GABRB1: variants seen among roughly 807,000 people sequenced by gnomAD.
GABRB1 encodes the protein gamma-aminobutyric acid receptor subunit beta-1.
A neutral mutation model predicts 51.6 loss-of-function variants in GABRB1; 17 were observed. That is an observed-to-expected ratio of 0.33 (90% CI 0.23 to 0.49). The LOEUF (loss-of-function observed/expected upper bound fraction) is 0.49, where lower values mean the gene tolerates loss of function less well. Ranked by LOEUF, GABRB1 falls within the 20% of genes least tolerant of loss-of-function variation. GABRB1 has a pLI of 0.99. For missense variants in GABRB1, 410 were observed against 600.6 expected (o/e 0.68, Z 3.32); for synonymous variants, 247 against 218.9 (o/e 1.13, Z -1.14).
At chr4:47,212,898 G>C (rs1720420253) in intron 4 of GABRB1, among the ~76,000 whole-genome samples, 2 of 152,140 alleles carry the variant, frequency 1.3e-5, no homozygotes, top group Admixed American at 6.5e-5. Flanking sequence ...GTAAGCATAG[G>C]TGGAAGTAGC....
At chr4:47,287,847 G>A (rs559698529) in intron 4 of GABRB1, among the ~76,000 whole-genome samples, 1 of 152,248 alleles carries the variant, frequency 6.6e-6, no homozygotes, top group East Asian at 1.9e-4. Flanking sequence ...GTCTCCAACT[G>A]CCAGCAAGAT....
intron 4 of GABRB1, among the ~76,000 whole-genome samples, chr4:47,212,002 A>G (rs1021110810): frequency 4.6e-5 from 7 of 152,180 alleles, no homozygotes; most frequent in African/African-American, 1.7e-4. Flanking sequence ...CATATAAGGT[A>G]ACATTCACAG....
At chr4:47,383,399 A>G (rs1329049920) in intron 5 of GABRB1, among the ~76,000 whole-genome samples, 3 of 152,174 alleles carry the variant, frequency 2.0e-5, no homozygotes, top group Non-Finnish European at 4.4e-5. Context: ...AAGGCATCCA[A>G]TTTAAAAATT....
chr4:47,002,561 T>C (rs140166586), intron 1 of GABRB1, among the ~76,000 whole-genome samples: 1 of 152,112 alleles, frequency 6.6e-6, no homozygotes, highest in Non-Finnish European at 1.5e-5. Flanking sequence ...TAAAGCACAA[T>C]AGCAGAAATG....
At chr4:47,371,942 A>G (rs777785992) in intron 5 of GABRB1, among the ~76,000 whole-genome samples, 8 of 152,126 alleles carry the variant, frequency 5.3e-5, no homozygotes, top group Non-Finnish European at 1.2e-4. Context: ...CCTTAGTTTA[A>G]TTAGATCCAT....
intron 4 of GABRB1, among the ~76,000 whole-genome samples, chr4:47,307,236 T>C (rs1488756261): frequency 1.3e-5 from 2 of 152,136 alleles, no homozygotes; most frequent in Non-Finnish European, 2.9e-5. Context: ...GTTTTGTTGA[T>C]ATATTGACCC....
rs1162712786 is a variant in GABRB1, at chr4:47,333,194, TTATATA to T, written c.544+13022_544+13027del. Among the ~76,000 whole-genome samples, 372 of 113,098 alleles carry T rather than the reference TTATATA, an allele frequency of 3.3e-3. 2 individuals are homozygous for T. In the Middle Eastern group the frequency reaches 0.033, roughly 10 times the overall value. 74.2% of individuals were successfully genotyped at this position (113,098 alleles called of 152,430 possible). On this transcript the variant is annotated intron_variant, in intron 5 of 8. Coordinates refer to ENST00000295454, the MANE Select transcript of GABRB1 (RefSeq NM_000812.4). ...CATATATATTTAAAACCCATTTTAT[TTATATA>T]TATATATATATATATATATATATAT...
intron 5 of GABRB1, among the ~76,000 whole-genome samples, chr4:47,335,685 T>G (rs1725671347): frequency 6.6e-6 from 1 of 152,216 alleles, no homozygotes; most frequent in Non-Finnish European, 1.5e-5. Context: ...GAGAATTTCA[T>G]GCATAACAAA....
At chr4:47,292,804 AG>A (rs1363258569) in intron 4 of GABRB1, among the ~76,000 whole-genome samples, 2 of 152,220 alleles carry the variant, frequency 1.3e-5, no homozygotes, top group African/African-American at 4.8e-5. Flanking sequence ...AGGACAAGAA[AG>A]GGTAAGAGAC....
chr4:47,098,173 CACACACACACACACACAT>C (rs1714542210), intron 3 of GABRB1, among the ~76,000 whole-genome samples: 1 of 151,712 alleles, frequency 6.6e-6, no homozygotes, highest in Non-Finnish European at 1.5e-5. Flanking sequence ...CACACACACA[CACACACACACACACACAT>C]GTTTTTCAGT....
intron 5 of GABRB1, among the ~76,000 whole-genome samples, chr4:47,351,406 G>A (rs1210500371): frequency 6.6e-6 from 1 of 151,890 alleles, no homozygotes; most frequent in Non-Finnish European, 1.5e-5. Context: ...TAGAATTTTG[G>A]TTTCTTTTTA....
At chr4:47,402,967 A>G (rs1206607210) in intron 5 of GABRB1, among the ~76,000 whole-genome samples, 2 of 152,198 alleles carry the variant, frequency 1.3e-5, no homozygotes, top group African/African-American at 4.8e-5. Context: ...TGTTGTTGTT[A>G]AGTAGCACAT....
At chr4:47,400,911 T>TTGTTCTTC (rs1728354974) in intron 5 of GABRB1, among the ~76,000 whole-genome samples, 1 of 151,360 alleles carries the variant, frequency 6.6e-6, no homozygotes, top group Admixed American at 6.6e-5. Context: ...TTTTGTTCTT[T>TTGTTCTTC]TGTTCTTCTC....
In GABRB1 at chr4:47,056,308, C is replaced by A. The variant is rs1052493904; in HGVS notation, c.240+23824C>A. Among the ~76,000 whole-genome samples the A allele has an allele frequency of 6.6e-5, 10 of 152,282 alleles. No individual in the cohort carries two copies. In the East Asian group the frequency reaches 1.9e-3, roughly 29 times the overall value. The stretch of plus-strand genomic sequence containing the variant: ...TTCTTTCTTCTTTTAGGAAGCCACC[C>A]TCTCCGACCCAGCTTAGAAGGCATT... On this transcript the variant is annotated intron_variant, in intron 3 of 8. Transcript: ENST00000295454.
At chr4:47,186,561 T>C (rs1021862404) in intron 4 of GABRB1, among the ~76,000 whole-genome samples, 5 of 151,880 alleles carry the variant, frequency 3.3e-5, no homozygotes, top group African/African-American at 1.2e-4. Context: ...TTTCCAGGTA[T>C]AATGAAATTG....
At chr4:47,212,126 G>C (rs1038917678) in intron 4 of GABRB1, among the ~76,000 whole-genome samples, 1 of 152,010 alleles carries the variant, frequency 6.6e-6, no homozygotes. Flanking sequence ...GTATAGAAAA[G>C]GTACCTGGCG....
chr4:47,039,137 C>A (rs2109483912), intron 3 of GABRB1, among the ~76,000 whole-genome samples: 1 of 151,762 alleles, frequency 6.6e-6, no homozygotes, highest in Non-Finnish European at 1.5e-5. Flanking sequence ...AAAAGGCTGG[C>A]CACAAGAAAA....
intron 4 of GABRB1, among the ~76,000 whole-genome samples, chr4:47,302,258 T>A (rs1434202493): frequency 6.6e-6 from 1 of 152,156 alleles, no homozygotes; most frequent in Non-Finnish European, 1.5e-5. Context: ...TATTTCTAGT[T>A]GCTGTATTAA....
intron 4 of GABRB1, among the ~76,000 whole-genome samples, chr4:47,280,674 G>A (rs1723253879): frequency 6.6e-6 from 1 of 151,552 alleles, no homozygotes; most frequent in Non-Finnish European, 1.5e-5. Context: ...TTGAGACGGG[G>A]CCTTGCCCTG....
Sources: allele counts gnomAD v4.1 joint callset (sites outside exome capture counted in the v4.1 genomes callset), GRCh38; gene constraint gnomAD v4.1.1; transcripts MANE v1.5; gene names NCBI Gene and HGNC (gene_info 2026-07-23, HGNC 2026-07-21).